The following ANKRD62 variants were observed in gnomAD, a reference collection of about 807,000 sequenced individuals.
ANKRD62 encodes ankyrin repeat domain-containing protein 62.
In ANKRD62, 61 loss-of-function variants were observed where a neutral mutation model predicts 98.8. The ratio of observed to expected loss-of-function variants is 0.62; its 90% CI spans 0.50 to 0.76. The LOEUF (loss-of-function observed/expected upper bound fraction) is 0.76. Among genes scored for constraint, ANKRD62 ranks in the 30% least tolerant of loss-of-function variants. The pLI is 0.00. For missense variants in ANKRD62, 933 were observed against 1,082.9 expected (o/e 0.86, Z 1.94); for synonymous variants, 341 against 367.9 (o/e 0.93, Z 0.84).
chr18:12,111,619 T>C (rs2143913047), intron 8 of ANKRD62, among the ~76,000 whole-genome samples: 1 of 152,256 alleles, frequency 6.6e-6, no homozygotes, highest in Middle Eastern at 3.4e-3. Context: ...AGTCAAACTA[T>C]CTTAGTTTGA....
At chr18:12,158,339 C>G in the ANKRD62 span, among the ~76,000 whole-genome samples, 1 of 152,044 alleles carries the variant, frequency 6.6e-6, no homozygotes, top group Non-Finnish European at 1.5e-5. Context: ...CTGTTGTGTT[C>G]TTTCATCATT....
rs994001616 is a variant in ANKRD62 at position 12,104,559 on chromosome 18, GA to G, written c.891+1338del. Reference sequence around the variant, plus strand: ...TGGATCAAACAAGACAAATGAGGTGGAAAAAAACTTTAAAACTCATCAAAAT... The same window carrying G: ...TGGATCAAACAAGACAAATGAGGTGGAAAAAACTTTAAAACTCATCAAAAT... On this transcript the variant is annotated intron_variant, in intron 7 of 13. Coordinates refer to ENST00000587848, the MANE Select transcript of ANKRD62 (RefSeq NM_001277333.2). 6.9e-4 allele frequency among the ~76,000 whole-genome samples: 105 copies of G among 152,146 alleles called. 1 individual carries two copies. The highest frequency in any genetic ancestry group is 2.4e-3 in the African/African-American group (99 of 41,552).
chr18:12,127,548 AC>A lies in ANKRD62; in HGVS notation c.2563-198del, dbSNP rs551131581. Among the ~76,000 whole-genome samples the A allele has an allele frequency of 1.5e-4, 23 of 152,320 alleles. No individual in the cohort carries two copies. In the East Asian group the frequency reaches 3.9e-3, roughly 26 times the overall value. On this transcript the variant is annotated intron_variant, in intron 13 of 13. Coordinates refer to ENST00000587848, the MANE Select transcript of ANKRD62 (RefSeq NM_001277333.2). ...GAATCTGTTGTATGAGTAACACGGC[AC>A]CAGTTTGGCACAAAGATAACACCTT...
chr18:12,170,958 CTTT>C, the ANKRD62 span, among the ~76,000 whole-genome samples: 64 of 137,008 alleles, frequency 4.7e-4, no homozygotes, highest in South Asian at 4.6e-4. Context: ...GCAACCCCTG[CTTT>C]TTTTTTTTTT....
At chr18:12,104,640 G>A (rs898190636) in intron 7 of ANKRD62, among the ~76,000 whole-genome samples, 10 of 152,212 alleles carry the variant, frequency 6.6e-5, no homozygotes, top group Admixed American at 6.5e-4. Flanking sequence ...CTGCTGCCTC[G>A]TTTTTAGGAA....
In ANKRD62 at chr18:12,129,405, A is replaced by G. The variant is rs1305654947; in HGVS notation, c.*1466A>G. 6.6e-6 allele frequency: 1 copy of G among 152,206 alleles called. No homozygotes were observed. The highest frequency in any genetic ancestry group is 1.5e-5 in the Non-Finnish European group (1 of 68,032). The allele number at this position is 152,206 out of a possible 1,614,324, so 9.4% of individuals were successfully genotyped here. A position where few individuals can be genotyped will look rare whatever the true frequency, so the allele number is the denominator to read the frequency against. On this transcript the variant is annotated 3_prime_UTR_variant, in exon 14 of 14. Transcript: ENST00000587848. ...CAGCACAAAAGTAGCCGTAAACAAT[A>G]TGCAGACTGAAGGGGTGTGGCTGCA...
In ANKRD62 at chr18:12,122,827, C is replaced by A. The variant is rs1453693452; in HGVS notation, c.1454+311C>A. Among the ~76,000 whole-genome samples the A allele has an allele frequency of 2.6e-5, 4 of 152,218 alleles. No homozygotes were observed. The East Asian group carries it at 7.7e-4, about 29-fold the overall frequency. On this transcript the variant is annotated intron_variant, in intron 11 of 13. Transcript: ENST00000587848. ...TATTAATGCTGTAAGAAACATCTTA[C>A]AGATCCATAGTTTTCTACATTTCTA...
chr18:12,158,916 A>G, the ANKRD62 span, among the ~76,000 whole-genome samples: 3 of 152,076 alleles, frequency 2.0e-5, no homozygotes, highest in Non-Finnish European at 1.5e-5. Flanking sequence ...TTTGAGTTGG[A>G]AGTGAATATA....
chr18:12,125,520 G>A lies in ANKRD62; in HGVS notation c.1699G>A (p.Glu567Lys), dbSNP rs1909869410. 1 of 1,504,608 alleles carries A rather than the reference G, an allele frequency of 6.6e-7. No homozygotes were observed. Among genetic ancestry groups the A allele is most frequent in the African/African-American group, 1.4e-5 (1 of 70,842 alleles). 93.2% of individuals were successfully genotyped at this position (1,504,608 alleles called of 1,614,324 possible). A position where few individuals can be genotyped will look rare whatever the true frequency, so the allele number is the denominator to read the frequency against. ...LWQENHLMRD[E>K]IARLRLEIDT... Reference sequence around the variant, plus strand: ...GCAGGAAAATCACTTGATGCGGGATGAAATTGCCAGACTCAGGCTGGAAAT... The same window carrying A: ...GCAGGAAAATCACTTGATGCGGGATAAAATTGCCAGACTCAGGCTGGAAAT... The change falls in exon 13 of 14, where the codon GAA (glutamate) becomes AAA (lysine). Residue 567 changes from glutamate (E) to lysine (K), a missense_variant. Physicochemically the swap from Glu to Lys is moderately conservative, Grantham distance 56. Around this residue, in one of 3 missense-constraint regions of ANKRD62, gnomAD observed 362 missense variants for 434.5 expected, o/e 0.83. Transcript: ENST00000587848.
At chr18:12,107,679 G>A (rs960659428) in intron 8 of ANKRD62, among the ~76,000 whole-genome samples, 1 of 152,106 alleles carries the variant, frequency 6.6e-6, no homozygotes, top group Non-Finnish European at 1.5e-5. Flanking sequence ...CTAGACAAAT[G>A]TGAAGAAAGA....
At chr18:12,136,735 A>G in the ANKRD62 span, among the ~76,000 whole-genome samples, 1 of 152,046 alleles carries the variant, frequency 6.6e-6, no homozygotes, top group African/African-American at 2.4e-5. Flanking sequence ...AGTGGTTTGT[A>G]GTTTGTTCTC....
chr18:12,173,645 T>G, the ANKRD62 span, among the ~76,000 whole-genome samples: 1 of 152,232 alleles, frequency 6.6e-6, no homozygotes, highest in Non-Finnish European at 1.5e-5. Context: ...CTTTTCATAT[T>G]GAGTGCTCTT....
At chr18:12,106,145 A>G (rs1909408575) in intron 7 of ANKRD62, among the ~76,000 whole-genome samples, 1 of 152,232 alleles carries the variant, frequency 6.6e-6, no homozygotes, top group South Asian at 2.1e-4. Context: ...AGTATATTTG[A>G]AAACAAATGT....
Position 12,125,563 on chromosome 18 carries a change from A to T in ANKRD62, c.1742A>T (p.Gln581Leu). 6.5e-7 allele frequency: 1 copy of T among 1,528,594 alleles called. No homozygotes were observed. The highest frequency in any genetic ancestry group is 1.2e-5 in the South Asian group (1 of 81,638). 94.7% of individuals were successfully genotyped at this position (1,528,594 alleles called of 1,614,324 possible). ...CTGGAAATAGACACAATAAAACATC[A>T]GAACCAGGAAACTGAAAATAAATAT... ...LRLEIDTIKH[Q>L]NQETENKYFK... Residue 581 changes from glutamine to leucine, a missense_variant, in exon 13 of 14, where the codon CAG becomes CTG. Transcript: ENST00000587848.
chr18:12,107,652 T>C (rs1164009135), intron 8 of ANKRD62, among the ~76,000 whole-genome samples, 185 bp downstream of exon 8: 1 of 152,192 alleles, frequency 6.6e-6, no homozygotes, highest in Admixed American at 6.5e-5. Flanking sequence ...CATATTGATG[T>C]TTTATTTAAA....
At chr18:12,166,133 T>A in the ANKRD62 span, among the ~76,000 whole-genome samples, 1 of 152,190 alleles carries the variant, frequency 6.6e-6, no homozygotes, top group Non-Finnish European at 1.5e-5. Context: ...GGATTAAATC[T>A]GCTTGGTGTT....
intron 4 of ANKRD62, among the ~76,000 whole-genome samples, chr18:12,097,203 A>G (rs1028230651): frequency 5.9e-5 from 9 of 152,174 alleles, no homozygotes; most frequent in Admixed American, 5.9e-4. Flanking sequence ...CTTAACTGAA[A>G]CTACTGTGGC....
the ANKRD62 span, among the ~76,000 whole-genome samples, chr18:12,153,423 C>G: frequency 6.6e-6 from 1 of 151,694 alleles, no homozygotes; most frequent in Non-Finnish European, 1.5e-5. Context: ...GAAATCCCAT[C>G]TCTACTAAAA....
At chr18:12,180,974 G>A in the ANKRD62 span, among the ~76,000 whole-genome samples, 1 of 145,982 alleles carries the variant, frequency 6.9e-6, no homozygotes, top group Non-Finnish European at 1.5e-5. Context: ...AGTGTGTGAT[G>A]TTCCCCTTCC....
Sources: allele counts gnomAD v4.1 joint callset (sites outside exome capture counted in the v4.1 genomes callset), GRCh38; gene constraint gnomAD v4.1.1; regional missense constraint gnomAD v4.1.1; transcripts MANE v1.5; gene names NCBI Gene and HGNC (gene_info 2026-07-23, HGNC 2026-07-21).